MALAT1: variants seen among roughly 807,000 people sequenced by gnomAD.
MALAT1 encodes hepcarcin.
exon 3 of MALAT1, chr11:65,502,706 C>G (rs759656945): frequency 7.9e-6 from 4 of 509,012 alleles, no homozygotes; most frequent in Admixed American, 6.1e-5. Flanking sequence ...GCAGAGAAAA[C>G]AGCTCCTTGG....
chr11:65,502,034 C>T (rs749666501), exon 3 of MALAT1: 26 of 515,800 alleles, frequency 5.0e-5, no homozygotes, highest in Admixed American at 3.1e-4. Flanking sequence ...TAGTTTTTTT[C>T]CCCCCAGTTT....
exon 3 of MALAT1, chr11:65,503,648 C>T (rs1334264191): frequency 7.8e-6 from 4 of 512,642 alleles, no homozygotes; most frequent in South Asian, 4.3e-5. Flanking sequence ...AGAAAGCTGT[C>T]TCCTTATTTA....
At chr11:65,498,419 C>G (rs771433260) in intron 1 of MALAT1, 1 of 518,580 alleles carries the variant, frequency 1.9e-6, no homozygotes, top group Non-Finnish European at 3.8e-6. Flanking sequence ...GGGAGCAGCT[C>G]TGTGGTGTGG....
At chr11:65,502,368 TCTG>T (rs1854569492) in exon 3 of MALAT1, 1 of 510,474 alleles carries the variant, frequency 2.0e-6, no homozygotes, top group Non-Finnish European at 3.9e-6. Flanking sequence ...AGGGATTTCT[TCTG>T]ATGGTAGCTT....
intron 3 of MALAT1, chr11:65,506,055 G>A (rs752837596): frequency 3.4e-5 from 15 of 440,542 alleles, no homozygotes; most frequent in African/African-American, 4.2e-5. Flanking sequence ...AAAACAACAC[G>A]TATTGTTTTC....
chr11:65,505,836 A>T (rs370754223), intron 3 of MALAT1: 23 of 488,472 alleles, frequency 4.7e-5, no homozygotes, highest in Non-Finnish European at 8.2e-6. Flanking sequence ...AACATGTTCA[A>T]GAACTGTAAT....
exon 3 of MALAT1, chr11:65,499,072 T>G (rs534615613): frequency 3.9e-6 from 2 of 518,218 alleles, no homozygotes; most frequent in Non-Finnish European, 7.7e-6. Flanking sequence ...GCGCAGGGGC[T>G]TCTGCTGAGG....
chr11:65,501,426 G>A (rs1417819237), exon 3 of MALAT1: 1 of 516,976 alleles, frequency 1.9e-6, no homozygotes, highest in Admixed American at 2.0e-5. Context: ...ATGTCCATTG[G>A]AGAAATGGCT....
exon 3 of MALAT1, chr11:65,502,942 A>G (rs1854586656): frequency 4.0e-6 from 2 of 495,246 alleles, no homozygotes; most frequent in Non-Finnish European, 8.1e-6. Flanking sequence ...TACAATGAAG[A>G]GGCAATGTCC....
At chr11:65,501,081 C>A (rs1371284343) in exon 3 of MALAT1, 1 of 512,076 alleles carries the variant, frequency 2.0e-6, no homozygotes, top group Non-Finnish European at 3.9e-6. Context: ...TTCAGCAAAT[C>A]TGTAAGCAGT....
At chr11:65,506,040 C>T (rs1438195230) in intron 3 of MALAT1, 2 of 451,100 alleles carry the variant, frequency 4.4e-6, no homozygotes, top group Non-Finnish European at 8.5e-6. Flanking sequence ...TTTTCTTTTC[C>T]TGAGAAAACA....
chr11:65,498,991 C>A, exon 3 of MALAT1: 1 of 518,844 alleles, frequency 1.9e-6, no homozygotes, highest in Non-Finnish European at 3.8e-6. Context: ...GATCGAATTC[C>A]GGTGATGCGA....
chr11:65,503,716 T>G, exon 3 of MALAT1: 1 of 517,680 alleles, frequency 1.9e-6, no homozygotes, highest in South Asian at 1.4e-5. Flanking sequence ...GGGATTCTTC[T>G]CTAATCTTTC....
At chr11:65,498,204 A>G in intron 1 of MALAT1, 1 of 518,966 alleles carries the variant, frequency 1.9e-6, no homozygotes. Flanking sequence ...CTTCGGAGAC[A>G]AAGCCATTCG....
exon 3 of MALAT1, chr11:65,499,780 G>A: frequency 2.4e-6 from 1 of 423,470 alleles, no homozygotes; most frequent in South Asian, 1.8e-5. Context: ...AAAGTAGGAA[G>A]CAGAAGAAAA....
At chr11:65,501,600 A>G in exon 3 of MALAT1, 1 of 518,954 alleles carries the variant, frequency 1.9e-6, no homozygotes, top group South Asian at 1.4e-5. Flanking sequence ...CAGATGCTAT[A>G]GTACTATTGA....
exon 3 of MALAT1, chr11:65,500,886 C>T (rs750572154): frequency 9.7e-6 from 5 of 516,248 alleles, no homozygotes; most frequent in African/African-American, 1.9e-5. Context: ...TATATGGGGA[C>T]GTAGGCCGAT....
exon 3 of MALAT1, chr11:65,502,826 A>C (rs753767908): frequency 7.9e-6 from 4 of 506,942 alleles, no homozygotes; most frequent in East Asian, 5.5e-5. Flanking sequence ...ATATGCCAAA[A>C]AATTTTAAGC....
chr11:65,499,570 G>C (rs191315812), exon 3 of MALAT1: 2 of 455,472 alleles, frequency 4.4e-6, no homozygotes, highest in East Asian at 6.8e-5. Flanking sequence ...TTAAAGCCTA[G>C]TTAACGCATT....
Sources: allele counts gnomAD v4.1 joint callset, GRCh38; gene constraint gnomAD v4.1.1; transcripts MANE v1.5; gene names NCBI Gene and HGNC (gene_info 2026-07-23, HGNC 2026-07-21).